CCSER2: variants seen among roughly 807,000 people sequenced by gnomAD.
CCSER2 encodes coiled-coil serine rich protein 2.
Under a neutral mutation model 92.3 loss-of-function variants are expected in CCSER2, and 46 were observed. The observed-to-expected ratio is 0.50, with a 90% CI of 0.39 to 0.64. CCSER2 has a LOEUF of 0.64. Among genes scored for constraint, CCSER2 ranks in the 30% least tolerant of loss-of-function variants. The pLI, the probability that CCSER2 is intolerant of heterozygous loss-of-function variation, is 0.00. For missense variants in CCSER2, 1,244 were observed against 1,238.9 expected, an observed-to-expected ratio of 1.00 and a Z score of -0.06; for synonymous variants, 433 against 431.4, an observed-to-expected ratio of 1.00 and a Z score of -0.04.
chr10:84,503,707 A>G (rs944727120), intron 9 of CCSER2, among the ~76,000 whole-genome samples: 2 of 152,168 alleles, frequency 1.3e-5, no homozygotes, highest in Non-Finnish European at 2.9e-5. Context: ...GCTCTTTAGT[A>G]CCTGGCTTGA....
intron 1 of CCSER2, among the ~76,000 whole-genome samples, chr10:84,339,449 C>T (rs1356818806): frequency 4.0e-5 from 6 of 151,062 alleles, no homozygotes. Flanking sequence ...TGCTTTTGCA[C>T]ATACTATTAC....
chr10:84,473,096 A>C (rs1846916932), intron 8 of CCSER2: 1 of 152,206 alleles, frequency 6.6e-6, no homozygotes, highest in Non-Finnish European at 1.5e-5. Flanking sequence ...GATTTAAGAA[A>C]TATTGAAGAG....
intron 9 of CCSER2, among the ~76,000 whole-genome samples, chr10:84,498,824 A>G (rs752807831): frequency 1.3e-5 from 2 of 152,228 alleles, no homozygotes; most frequent in Non-Finnish European, 2.9e-5. Flanking sequence ...GGCTAAGGAC[A>G]TAAGACCCAA....
intron 3 of CCSER2, among the ~76,000 whole-genome samples, chr10:84,412,636 C>T (rs943018862): frequency 6.6e-6 from 1 of 152,074 alleles, no homozygotes; most frequent in African/African-American, 2.4e-5. Context: ...ACCAGGGGGC[C>T]ATTGTGAATG....
intron 5 of CCSER2, 140 bp from the exon 6 acceptor site, chr10:84,438,372 A>T: frequency 1.8e-6 from 1 of 541,718 alleles, no homozygotes; most frequent in Non-Finnish European, 3.3e-6. Context: ...CACATCAGTG[A>T]CTGAGGTGAG....
chr10:84,474,380 G>T (rs1165579729), intron 8 of CCSER2, among the ~76,000 whole-genome samples: 1 of 152,086 alleles, frequency 6.6e-6, no homozygotes, highest in East Asian at 1.9e-4. Flanking sequence ...GTAGTACTGG[G>T]CTGGGCACGG....
chr10:84,470,786 A>G (rs1846744814), intron 8 of CCSER2, among the ~76,000 whole-genome samples: 3 of 152,082 alleles, frequency 2.0e-5, no homozygotes, highest in Admixed American at 2.0e-4. Context: ...TTGTGAGTTG[A>G]GAACAGGGTA....
chr10:84,362,878 C>T (rs1406236877), intron 1 of CCSER2, among the ~76,000 whole-genome samples: 1 of 151,642 alleles, frequency 6.6e-6, no homozygotes, highest in Non-Finnish European at 1.5e-5. Flanking sequence ...CTCTTGTCAC[C>T]CAGGCTGGAG....
At chr10:84,484,730 T>A (rs1458960973) in intron 9 of CCSER2, among the ~76,000 whole-genome samples, 2 of 152,222 alleles carry the variant, frequency 1.3e-5, no homozygotes, top group African/African-American at 4.8e-5. Context: ...TGTGTTTTGA[T>A]GATCTGAATG....
At chr10:84,334,088 G>A (rs978074209) in intron 1 of CCSER2, among the ~76,000 whole-genome samples, 4 of 152,174 alleles carry the variant, frequency 2.6e-5, no homozygotes, top group Admixed American at 6.5e-5. Flanking sequence ...GAGGATGGGG[G>A]AAGAGCCATC....
intron 1 of CCSER2, among the ~76,000 whole-genome samples, chr10:84,329,957 T>G (rs1331304526): frequency 1.3e-5 from 2 of 152,242 alleles, no homozygotes; most frequent in Non-Finnish European, 2.9e-5. Context: ...TGTTGAACCC[T>G]TTAGCCATAA....
intron 7 of CCSER2, among the ~76,000 whole-genome samples, chr10:84,466,443 T>C (rs1846433678): frequency 1.3e-5 from 2 of 152,132 alleles, no homozygotes; most frequent in Non-Finnish European, 2.9e-5. Context: ...GGTAGCCTTA[T>C]GTTTGTTCAT....
chr10:84,449,474 C>T (rs933128434), intron 6 of CCSER2, among the ~76,000 whole-genome samples: 45 of 152,198 alleles, frequency 3.0e-4, no homozygotes, highest in African/African-American at 1.1e-3. Context: ...ACTCTCTGTG[C>T]TGCAGTTTCC....
intron 1 of CCSER2, among the ~76,000 whole-genome samples, chr10:84,360,905 A>C (rs1307606560): frequency 6.6e-6 from 1 of 152,048 alleles, no homozygotes; most frequent in Non-Finnish European, 1.5e-5. Flanking sequence ...TCTTGACCTT[A>C]CTCTCACATA....
chr10:84,358,608 CAGTG>C (rs1845316605), intron 1 of CCSER2, among the ~76,000 whole-genome samples: 1 of 149,556 alleles, frequency 6.7e-6, no homozygotes. Context: ...GCTTGGGTGA[CAGTG>C]AGACCCTATC....
chr10:84,513,044 G>A (rs999651282), intron 9 of CCSER2, among the ~76,000 whole-genome samples: 7 of 151,948 alleles, frequency 4.6e-5, no homozygotes, highest in African/African-American at 1.7e-4. Flanking sequence ...TAACTTTAAT[G>A]TAAGTAGTAT....
Position 84,477,629 on chromosome 10 carries a change from G to C in CCSER2, c.2290G>C (p.Asp764His). 6.2e-7 allele frequency: 1 copy of C among 1,611,658 alleles called. No homozygotes were observed. The highest frequency in any genetic ancestry group is 8.5e-7 in the Non-Finnish European group (1 of 1,178,150). Residue 764 changes from aspartate (D) to histidine (H), a missense_variant, in exon 9 of 10, where the codon GAT (aspartate) becomes CAT (histidine). Asp to His is a moderately conservative substitution (Grantham distance 81). Transcript: ENST00000372088. ...KCKEEKCTYA[D>H]KYTQTPWRRI... is the part of the protein sequence containing the mutation. ...TAAAGAGGAAAAATGCACTTATGCT[G>C]ATAAATATACCCAAACACCCTGGAG...
intron 3 of CCSER2, among the ~76,000 whole-genome samples, chr10:84,379,757 T>C (rs963377027): frequency 6.6e-6 from 1 of 152,212 alleles, no homozygotes; most frequent in African/African-American, 2.4e-5. Context: ...TGTAATATTC[T>C]ACAGGTTTCT....
At chr10:84,349,123 A>G (rs1406069072) in intron 1 of CCSER2, among the ~76,000 whole-genome samples, 1 of 152,092 alleles carries the variant, frequency 6.6e-6, no homozygotes, top group Non-Finnish European at 1.5e-5. Flanking sequence ...AAGAGCAAAG[A>G]ATGAGTCATG....
Sources: gnomAD v4.1 joint callset for allele counts (sites outside exome capture counted in the v4.1 genomes callset) on GRCh38, gnomAD v4.1.1 for gene constraint, MANE v1.5 for transcripts, NCBI Gene and HGNC (gene_info 2026-07-23, HGNC 2026-07-21) for gene names.